The following SUSD2 variants were observed in gnomAD, a reference collection of about 807,000 sequenced individuals.
The protein encoded by SUSD2 is sushi domain-containing protein 2.
SUSD2 carries 86 observed loss-of-function variants against 93.8 expected under a neutral mutation model. The observed-to-expected ratio is 0.92, with a 90% CI of 0.77 to 1.10. The LOEUF (loss-of-function observed/expected upper bound fraction) is 1.10, where lower values mean the gene tolerates loss of function less well. Ranked by LOEUF, SUSD2 falls within the 50% of genes least tolerant of loss-of-function variation. SUSD2 has a pLI of 0.00. For missense variants in SUSD2, 1,060 were observed against 1,137.0 expected (o/e 0.93, Z 0.97); for synonymous variants, 483 against 485.0 (o/e 1.00, Z 0.05).
intron 4 of SUSD2, 44 bp from the exon 5 acceptor site, chr22:24,184,722 G>C: frequency 6.6e-7 from 1 of 1,506,074 alleles, no homozygotes. Flanking sequence ...CTGGGGCCAG[G>C]CCTCGAAGGA....
chr22:24,184,412 A>G, intron 4 of SUSD2, 109 bp downstream of exon 4: 1 of 1,191,316 alleles, frequency 8.4e-7, no homozygotes, highest in East Asian at 2.5e-5. Context: ...GGTGGGGTTG[A>G]GGAGGGAAGG....
chr22:24,186,438 G>T (rs1438615702), intron 10 of SUSD2, 23 bp downstream of exon 10: 3 of 1,609,336 alleles, frequency 1.9e-6, no homozygotes, highest in Non-Finnish European at 2.5e-6. Flanking sequence ...GCCACGCGAG[G>T]CTGCGGGCTG....
intron 10 of SUSD2, 80 bp downstream of exon 10, chr22:24,186,495 G>C: frequency 6.6e-7 from 1 of 1,521,760 alleles, no homozygotes; most frequent in Non-Finnish European, 8.9e-7. Context: ...GGGAAGCCCT[G>C]GGCCTTCATG....
At chr22:24,183,734 C>T in intron 3 of SUSD2, 88 bp downstream of exon 3, 3 of 1,420,958 alleles carry the variant, frequency 2.1e-6, no homozygotes, top group Non-Finnish European at 2.8e-6. Flanking sequence ...CCTGTCCGTG[C>T]CCTGCCTCTC....
Position 24,185,154 on chromosome 22 carries a change from C to G in SUSD2, c.843C>G (p.Phe281Leu), listed in dbSNP as rs2047353238. Residue 281 changes from phenylalanine to leucine, a missense_variant, in exon 6 of 15, where the codon TTC becomes TTG. Phe to Leu is a conservative substitution (Grantham distance 22). This residue lies in a region of SUSD2 where 973 missense variants were observed against 1,005.3 expected (regional missense o/e 0.97). Coordinates refer to ENST00000358321, the MANE Select transcript of SUSD2 (RefSeq NM_019601.4). ...TGGCCTGGCACCTGAGCGATGACTT[C>G]CGAGAGGACCCTGTGGCCTGGGCAC... is the stretch of plus-strand genomic sequence containing the variant. ...HALAWHLSDD[F>L]REDPVAWART... 6.2e-7 allele frequency: 1 copy of G among 1,612,620 alleles called. No homozygotes were observed. Among genetic ancestry groups the G allele is most frequent in the Non-Finnish European group, 8.5e-7 (1 of 1,179,806 alleles).
At position 24,187,223 on chromosome 22, in the gene SUSD2, C is replaced by T; in HGVS notation, c.1664C>T (p.Ala555Val). 1 of 1,613,332 alleles carries T rather than the reference C, an allele frequency of 6.2e-7. No homozygotes were observed. The highest frequency in any genetic ancestry group is 1.1e-5 in the South Asian group (1 of 91,062). ...DLKGMFLSVA[A>V]GDRVSIMLAS... ...CCAGGAATGTTCCTGTCGGTGGCTG[C>T]CGGGGACAGGGTCTCCATCATGCTG... Residue 555 changes from alanine to valine, a missense_variant, in exon 11 of 15, where the codon GCC becomes GTC. Transcript: ENST00000358321.
chr22:24,185,405 C>T, intron 6 of SUSD2, 81 bp from the exon 7 acceptor site: 1 of 1,526,638 alleles, frequency 6.6e-7, no homozygotes, highest in South Asian at 1.2e-5. Flanking sequence ...GCTGGGGTCT[C>T]AGGACCCCTG....
At position 24,184,211 on chromosome 22, in the gene SUSD2, C is replaced by T. The variant is rs1159844223; in HGVS notation, c.515C>T (p.Ala172Val). Reference protein sequence around the residue: ...NETRWQYYGTANTSGNLSLTW... With the variant: ...NETRWQYYGTVNTSGNLSLTW... ...ACGCGTTGGCAATACTACGGCACCG[C>T]CAACACCTCAGGCAACCTCAGCCTG... Residue 172 changes from alanine to valine, a missense_variant, in exon 4 of 15, where the codon GCC (alanine) becomes GTC (valine). Transcript: ENST00000358321. The T allele has an allele frequency of 6.2e-7, 1 of 1,613,678 alleles. No homozygotes were observed. Among genetic ancestry groups the T allele is most frequent in the Non-Finnish European group, 8.5e-7 (1 of 1,180,008 alleles).
chr22:24,186,193 A>G, intron 9 of SUSD2, 34 bp downstream of exon 9: 1 of 1,608,662 alleles, frequency 6.2e-7, no homozygotes, highest in Non-Finnish European at 8.5e-7. Flanking sequence ...TCTGGTTGGC[A>G]TGGGGTAGAA....
Position 24,188,062 on chromosome 22 carries a change from C to T in SUSD2, c.2268C>T (p.Ser756=), listed in dbSNP as rs753276944. ...ACTTCCACTGTGACAACGGCTACAG[C>T]CTGGCCGGGGCAGAGACCAGCACCT... The part of the protein sequence containing the change: ...TIYFHCDNGY[S]LAGAETSTCQ... The change falls in exon 13 of 15, where the codon AGC becomes AGT. Residue 756 remains serine (S), a synonymous_variant. Transcript: ENST00000358321. This position sits in a 1 kb window ranked among gnomAD's most constrained non-coding sequence, Gnocchi z 4.7. The T allele has an allele frequency of 5.6e-6, 9 of 1,612,906 alleles. No homozygotes were observed. Among genetic ancestry groups the T allele is most frequent in the Non-Finnish European group, 7.6e-6 (9 of 1,179,936 alleles).
rs747775987 is a variant in SUSD2, at chr22:24,185,067, C to T, written c.783-27C>T. ...CGACCATGGGGTGGTGTGGGCTGGCCCAGCTCCAGCATCATCACCTCCACA... is the reference window on the plus strand; with the variant it reads ...CGACCATGGGGTGGTGTGGGCTGGCTCAGCTCCAGCATCATCACCTCCACA... On this transcript the variant is annotated intron_variant, in intron 5 of 14. Transcript: ENST00000358321. The T allele has an allele frequency of 6.8e-6, 11 of 1,611,522 alleles. No individual in the cohort carries two copies. In the East Asian group the frequency reaches 2.5e-4, roughly 36 times the overall value.
Position 24,188,153 on chromosome 22 carries a change from A to G in SUSD2, c.2341+18A>G. 6 of 1,608,054 alleles carry G rather than the reference A, an allele frequency of 3.7e-6. No individual in the cohort carries two copies. Among genetic ancestry groups the G allele is most frequent in the Middle Eastern group, 1.7e-4 (1 of 6,040 alleles). On this transcript the variant is annotated intron_variant, in intron 13 of 14. Coordinates refer to ENST00000358321, the MANE Select transcript of SUSD2 (RefSeq NM_019601.4). The surrounding 1 kb of genome is among the most constrained non-coding windows in gnomAD (Gnocchi z 4.7). ...CCAGCCAGGTGAGGACACTCTGCTC[A>G]TACACCTGCCTGCACCTGTCCCCAC...
At position 24,181,513 on chromosome 22, in the gene SUSD2, C is replaced by G; in HGVS notation, c.-7C>G. 1 of 1,572,020 alleles carries G rather than the reference C, an allele frequency of 6.4e-7. No individual in the cohort carries two copies. The highest frequency in any genetic ancestry group is 8.6e-7 in the Non-Finnish European group (1 of 1,163,596). ...CTGCACTGCTGGCTGCAGACACAGG[C>G]TGCACCATGAAGCCAGCCCTCCTGC... On this transcript the variant is annotated 5_prime_UTR_variant, in exon 1 of 15. Transcript: ENST00000358321.
intron 1 of SUSD2, among the ~76,000 whole-genome samples, chr22:24,182,054 C>T (rs1389946085): frequency 6.6e-6 from 1 of 152,204 alleles, no homozygotes; most frequent in East Asian, 1.9e-4. Context: ...CTCTCGGCCT[C>T]CTCCCCCGAC....
chr22:24,183,941 G>A (rs554717103), intron 3 of SUSD2, 195 bp from the exon 4 acceptor site: 72 of 667,464 alleles, frequency 1.1e-4, no homozygotes, highest in Middle Eastern at 8.3e-4. Context: ...GGCTAGAGGC[G>A]TGGGCAGTGG....
intron 11 of SUSD2, 40 bp from the exon 12 acceptor site, chr22:24,187,531 G>A: frequency 1.2e-6 from 2 of 1,602,710 alleles, no homozygotes; most frequent in Non-Finnish European, 8.5e-7. Flanking sequence ...GGGACCAAAG[G>A]GAGCCATGCC....
rs1454090501 is a variant in SUSD2, at chr22:24,184,289, G to T, written c.593G>T (p.Gly198Val). 1.2e-6 allele frequency: 2 copies of T among 1,613,380 alleles called. No homozygotes were observed. The highest frequency in any genetic ancestry group is 1.7e-6 in the Non-Finnish European group (2 of 1,179,982). ...PTQTITIELW[G>V]YEETGMPYSQ... ...CAGACCATCACCATCGAACTGTGGG[G>T]CTACGAGGAGACAGGTGAGGCCAGC... Residue 198 changes from glycine to valine, a missense_variant, in exon 4 of 15, where the codon GGC becomes GTC. This residue lies in a region of SUSD2 where 973 missense variants were observed against 1,005.3 expected (regional missense o/e 0.97). Transcript: ENST00000358321.
At chr22:24,184,504 G>A (rs1185092283) in intron 4 of SUSD2, among the ~76,000 whole-genome samples, 3 of 152,084 alleles carry the variant, frequency 2.0e-5, no homozygotes, top group Admixed American at 6.5e-5. Context: ...GGCAGCTCAT[G>A]GGGCCTGGCT....
At position 24,186,013 on chromosome 22, in the gene SUSD2, T is replaced by C; in HGVS notation, c.1340-3T>C. ...CCCACGTGACCCTCCACTCTCACCC[T>C]AGCCTCCGCCTTCGGAGACCCACAC... is the stretch of plus-strand genomic sequence containing the variant. On this transcript the variant is annotated splice_polypyrimidine_tract_variant and splice_region_variant and intron_variant, in intron 8 of 14. Coordinates refer to ENST00000358321, the MANE Select transcript of SUSD2 (RefSeq NM_019601.4). 2 of 1,605,688 alleles carry C rather than the reference T, an allele frequency of 1.2e-6. No individual in the cohort carries two copies. Among genetic ancestry groups the C allele is most frequent in the Non-Finnish European group, 1.7e-6 (2 of 1,175,230 alleles).
Sources: gnomAD v4.1 joint callset for allele counts (sites outside exome capture counted in the v4.1 genomes callset) on GRCh38, gnomAD v4.1.1 for gene constraint, gnomAD v4.1.1 regional missense constraint, Gnocchi (gnomAD v3.1) non-coding constraint, MANE v1.5 for transcripts, NCBI Gene and HGNC (gene_info 2026-07-23, HGNC 2026-07-21) for gene names.